Variants in HIVEP2 observed in about 807,000 individuals in gnomAD.
HIVEP2 encodes the protein HIVEP zinc finger 2, also known as transcription factor HIVEP2.
In HIVEP2, 14 loss-of-function variants were observed where a neutral mutation model predicts 180.7. The observed-to-expected ratio is 0.08, with a 90% CI of 0.05 to 0.12. The LOEUF (loss-of-function observed/expected upper bound fraction) is 0.12, where lower values mean the gene tolerates loss of function less well. Ranked by LOEUF, HIVEP2 falls within the 10% of genes least tolerant of loss-of-function variation. HIVEP2 has a pLI of 1.00. For missense variants in HIVEP2, 2,579 were observed against 3,008.5 expected (o/e 0.86, Z 3.34); for synonymous variants, 1,184 against 1,136.4 (o/e 1.04, Z -0.84).
At chr6:142,797,439 A>G (rs1331558966) in intron 2 of HIVEP2, among the ~76,000 whole-genome samples, 3 of 152,178 alleles carry the variant, frequency 2.0e-5, no homozygotes, top group African/African-American at 7.2e-5. Context: ...TTAAGCTAAT[A>G]AGGGCATAAA....
chr6:142,772,632 C>T lies in HIVEP2; in HGVS notation c.2107G>A (p.Val703Ile), dbSNP rs773013350. 2.9e-5 allele frequency: 47 copies of T among 1,614,118 alleles called. No individual in the cohort carries two copies. Among genetic ancestry groups the T allele is most frequent in the South Asian group, 1.4e-4 (13 of 91,090 alleles). ...ENRKRRKEKS[V>I]GDEEDTPMIC... The stretch of plus-strand genomic sequence containing the variant: ...ATGGGCGTGTCCTCTTCATCCCCTA[C>T]GCTCTTCTCTTTCCGGCGTTTCCTG... The change falls in exon 5 of 10, where the codon GTA becomes ATA. Residue 703 changes from valine to isoleucine, a missense_variant. Val to Ile is a conservative substitution (Grantham distance 29, BLOSUM62 3). Around this residue, in one of 11 missense-constraint regions of HIVEP2, gnomAD observed 524 missense variants for 563.6 expected, o/e 0.93. Transcript: ENST00000367603. The surrounding 1 kb of genome is among the most constrained non-coding windows in gnomAD (Gnocchi z 4.9).
In HIVEP2 at chr6:142,753,566, A is replaced by G; in HGVS notation, c.6882T>C (p.Gly2294=). ...KRGPHALQSS[G]PPSTPSSPRL... is the part of the protein sequence containing the mutation. ...GAGGAGAGGAGGGAGTGCTAGGTGG[A>G]CCAGATGACTGCAAAGCGTGAGGAC... Residue 2294 remains glycine, a synonymous_variant, in exon 10 of 10, where the codon GGT becomes GGC. Transcript: ENST00000367603. 6.2e-7 allele frequency: 1 copy of G among 1,614,164 alleles called. No homozygotes were observed. The highest frequency in any genetic ancestry group is 8.5e-7 in the Non-Finnish European group (1 of 1,180,020).
chr6:142,883,972 T>A (rs1306549990), intron 1 of HIVEP2, among the ~76,000 whole-genome samples: 1 of 152,178 alleles, frequency 6.6e-6, no homozygotes, highest in Non-Finnish European at 1.5e-5. Context: ...TTTTTCTTTC[T>A]CCTTTAATCC....
rs149340281 is a variant in HIVEP2 at position 142,849,593 on chromosome 6, C to T, written c.-640-12546G>A. Among the ~76,000 whole-genome samples the T allele has an allele frequency of 7.4e-3, 1,124 of 152,038 alleles. 14 individuals are homozygous for T. Among genetic ancestry groups the T allele is most frequent in the South Asian group, 0.035 (168 of 4,806 alleles). On this transcript the variant is annotated intron_variant, in intron 1 of 9. Coordinates refer to ENST00000367603, the MANE Select transcript of HIVEP2 (RefSeq NM_006734.4). Reference sequence around the variant, plus strand: ...GCAGTGGCACGATCAAGGCTCATTGCAGCCTTGACCTCCCAGGCTTAAGCC... The same window carrying T: ...GCAGTGGCACGATCAAGGCTCATTGTAGCCTTGACCTCCCAGGCTTAAGCC...
chr6:142,790,082 A>C lies in HIVEP2; in HGVS notation c.-527-6467T>G, dbSNP rs1776101717. 1.3e-5 allele frequency among the ~76,000 whole-genome samples: 2 copies of C among 152,100 alleles called. 1 individual carries two copies. The highest frequency in any genetic ancestry group is 4.2e-4 in the South Asian group (2 of 4,818). ...AGATTTTTATGCTCTTATAACGAAA[A>C]TTTTTCAGTAAATATTTTAAGTAGA... On this transcript the variant is annotated intron_variant, in intron 2 of 9. Coordinates refer to ENST00000367603, the MANE Select transcript of HIVEP2 (RefSeq NM_006734.4).
At chr6:142,935,148 G>A (rs1778022197) in intron 1 of HIVEP2, among the ~76,000 whole-genome samples, 1 of 152,202 alleles carries the variant, frequency 6.6e-6, no homozygotes, top group Admixed American at 6.5e-5. Flanking sequence ...AGCCTGGGAA[G>A]CCCGCAACTA....
At chr6:142,859,928 A>G (rs117565238) in intron 1 of HIVEP2, among the ~76,000 whole-genome samples, 34 of 152,170 alleles carry the variant, frequency 2.2e-4, no homozygotes, top group South Asian at 8.3e-4. Flanking sequence ...ACTGCTATGC[A>G]AGAAGTTGAG....
intron 8 of HIVEP2, 62 bp from the exon 9 acceptor site, chr6:142,760,729 T>A (rs537372794): frequency 4.1e-6 from 5 of 1,229,788 alleles, no homozygotes; most frequent in African/African-American, 3.0e-5. Context: ...AGGATCTTAT[T>A]TAAGCCTCAT....
chr6:142,827,237 C>T (rs919785059), intron 2 of HIVEP2, among the ~76,000 whole-genome samples: 1 of 151,986 alleles, frequency 6.6e-6, no homozygotes, highest in Non-Finnish European at 1.5e-5. Context: ...ACCAACTAAA[C>T]ATAACCATGA....
chr6:142,944,371 C>CT (rs1278918715), intron 1 of HIVEP2, among the ~76,000 whole-genome samples: 1 of 148,604 alleles, frequency 6.7e-6, no homozygotes, highest in African/African-American at 2.5e-5. Flanking sequence ...ACCCCCCCCC[C>CT]CCACCAAATA....
intron 1 of HIVEP2, among the ~76,000 whole-genome samples, chr6:142,866,749 CT>C (rs1253430503): frequency 1.3e-5 from 2 of 152,142 alleles, no homozygotes; most frequent in Non-Finnish European, 2.9e-5. Context: ...AGGTCGGTCT[CT>C]CCCTTAGTTG....
intron 2 of HIVEP2, among the ~76,000 whole-genome samples, chr6:142,802,033 G>A (rs1358799587): frequency 6.6e-6 from 1 of 152,144 alleles, no homozygotes; most frequent in South Asian, 2.1e-4. Context: ...GATTCTGTCT[G>A]TATTTGTTAA....
intron 3 of HIVEP2, among the ~76,000 whole-genome samples, chr6:142,777,263 G>A (rs192886641): frequency 4.9e-4 from 74 of 152,162 alleles, no homozygotes; most frequent in African/African-American, 1.7e-3. Flanking sequence ...TAAAACTGAG[G>A]CATTTAAAAT....
At chr6:142,836,538 T>C (rs556749271) in intron 2 of HIVEP2, among the ~76,000 whole-genome samples, 3 of 152,158 alleles carry the variant, frequency 2.0e-5, no homozygotes, top group Non-Finnish European at 2.9e-5. Context: ...AGAAAGATGC[T>C]AATTTACTTC....
chr6:142,903,458 C>T (rs1427750649), intron 1 of HIVEP2, among the ~76,000 whole-genome samples: 2 of 152,144 alleles, frequency 1.3e-5, no homozygotes, highest in Non-Finnish European at 2.9e-5. Context: ...TGAAACTATT[C>T]CCTGATTTCT....
chr6:142,756,477 G>T (rs529242230), intron 9 of HIVEP2, among the ~76,000 whole-genome samples: 1 of 152,256 alleles, frequency 6.6e-6, no homozygotes, highest in African/African-American at 2.4e-5. Context: ...CTCCCTGGCT[G>T]CCAGAAACAA....
intron 2 of HIVEP2, among the ~76,000 whole-genome samples, chr6:142,800,895 T>G (rs1302233877): frequency 6.6e-6 from 1 of 152,104 alleles, no homozygotes; most frequent in East Asian, 1.9e-4. Flanking sequence ...TAATTTTATC[T>G]TTTGTTGCTT....
intron 1 of HIVEP2, among the ~76,000 whole-genome samples, chr6:142,890,746 T>C (rs1031012374): frequency 6.6e-6 from 1 of 152,226 alleles, no homozygotes. Flanking sequence ...GCAAATAGTG[T>C]AACTGAGAAA....
rs766506494 is a variant in HIVEP2, at chr6:142,769,909, G to T, written c.4830C>A (p.Arg1610=). The change falls in exon 5 of 10, where the codon CGC becomes CGA. Residue 1610 remains arginine, a synonymous_variant. Transcript: ENST00000367603. The part of the protein sequence containing the change: ...GHKRPVGMLV[R]MASAPSGNVA... ...CGTTCCCGCTGGGGGCAGAGGCCAT[G>T]CGGACCAGCATGCCAACAGGCCGCT... 9.9e-6 allele frequency: 16 copies of T among 1,614,072 alleles called. No individual in the cohort carries two copies. The South Asian group carries it at 1.8e-4, about 18-fold the overall frequency.
Sources: gnomAD v4.1 joint callset for allele counts (sites outside exome capture counted in the v4.1 genomes callset) on GRCh38, gnomAD v4.1.1 for gene constraint, gnomAD v4.1.1 regional missense constraint, Gnocchi (gnomAD v3.1) non-coding constraint, MANE v1.5 for transcripts, NCBI Gene and HGNC (gene_info 2026-07-23, HGNC 2026-07-21) for gene names.